The following EPHB2 variants were observed in gnomAD, a reference collection of about 807,000 sequenced individuals.
The protein encoded by EPHB2 is ephrin type-B receptor 2.
Under a neutral mutation model 96.4 loss-of-function variants are expected in EPHB2, and 18 were observed. That is an observed-to-expected ratio of 0.19 (90% confidence interval 0.13 to 0.28). EPHB2 has a LOEUF of 0.28. EPHB2 is among the 10% of genes least tolerant of loss of function. The probability of loss-of-function intolerance (pLI) is 1.00; values close to 1 mark genes in which losing one functional copy is unlikely to be tolerated. For synonymous variants in EPHB2, 506 were observed against 534.1 expected (o/e 0.95, Z 0.72); for missense variants, 989 against 1,355.4 (o/e 0.73, Z 4.25).
intron 1 of EPHB2, among the ~76,000 whole-genome samples, chr1:22,754,889 G>A (rs1354221593): frequency 3.9e-5 from 2 of 50,974 alleles, no homozygotes; most frequent in South Asian, 8.0e-4. Flanking sequence ...GAGGTGAGGC[G>A]AGGGGCAGAG....
At chr1:22,718,530 A>T (rs1643351969) in intron 1 of EPHB2, among the ~76,000 whole-genome samples, 1 of 151,542 alleles carries the variant, frequency 6.6e-6, no homozygotes, top group African/African-American at 2.4e-5. Context: ...GGGATTACAG[A>T]TGCCTGCCAC....
chr1:22,876,173 A>G (rs1180383722), intron 5 of EPHB2, among the ~76,000 whole-genome samples: 1 of 152,168 alleles, frequency 6.6e-6, no homozygotes, highest in African/African-American at 2.4e-5. Flanking sequence ...TGGGGTCTCC[A>G]GCTGTCCTGT....
At chr1:22,745,906 T>G (rs1218595585) in intron 1 of EPHB2, among the ~76,000 whole-genome samples, 1 of 152,146 alleles carries the variant, frequency 6.6e-6, no homozygotes, top group Non-Finnish European at 1.5e-5. Flanking sequence ...AGCTTATCTT[T>G]CAAAGCCTAT....
rs975968108 is a variant in EPHB2, at chr1:22,909,304, G to C, written c.2502+133G>C. 4.9e-6 allele frequency: 7 copies of C among 1,417,582 alleles called. No individual in the cohort carries two copies. The African/African-American group carries it at 9.9e-5, about 20-fold the overall frequency. The allele number at this position is 1,417,582 out of a possible 1,614,324, so 87.8% of individuals were successfully genotyped here. A position where few individuals can be genotyped will look rare whatever the true frequency, so the allele number is the denominator to read the frequency against. ...TCTGAGATCATGGGCCTGGCTCCCA[G>C]GGCAGCTGCCAGCCCAATGGTGGCT... On this transcript the variant is annotated intron_variant, in intron 13 of 15. Transcript: ENST00000374630.
intron 3 of EPHB2, among the ~76,000 whole-genome samples, chr1:22,862,030 A>C (rs1638275286): frequency 6.6e-6 from 1 of 152,250 alleles, no homozygotes. Flanking sequence ...GTATCATAGC[A>C]GAGCTGGGTT....
At chr1:22,817,496 A>T (rs367872549) in intron 3 of EPHB2, among the ~76,000 whole-genome samples, 2 of 152,208 alleles carry the variant, frequency 1.3e-5, no homozygotes, top group Admixed American at 6.5e-5. Flanking sequence ...GTGGCCACAC[A>T]TGCCCACAGG....
intron 3 of EPHB2, among the ~76,000 whole-genome samples, chr1:22,789,273 T>A (rs1167812599): frequency 6.6e-6 from 1 of 152,248 alleles, no homozygotes; most frequent in Non-Finnish European, 1.5e-5. Flanking sequence ...AAGATGCATT[T>A]AATATTGAGA....
chr1:22,723,597 C>T (rs915440208), intron 1 of EPHB2, among the ~76,000 whole-genome samples: 4 of 152,340 alleles, frequency 2.6e-5, no homozygotes, highest in South Asian at 2.1e-4. Flanking sequence ...GGCCTGAGGC[C>T]AGGAGAGGGA....
Position 22,863,038 on chromosome 1 carries a change from T to G in EPHB2, c.813T>G (p.Gly271=). The G allele has an allele frequency of 6.2e-7, 1 of 1,614,200 alleles. No homozygotes were observed. Among genetic ancestry groups the G allele is most frequent in the Non-Finnish European group, 8.5e-7 (1 of 1,180,032 alleles). Residue 271 remains glycine, a splice_region_variant and synonymous_variant, in exon 4 of 16, where the codon GGT becomes GGG. Transcript: ENST00000374630. ...EAVENGTVCR[G]CPSGTFKANQ... is the part of the protein sequence containing the mutation. ...GACTCTCCTTGTCTTCTCTCTCAGGTTGTCCATCTGGGACTTTCAAGGCCA... is the reference window on the plus strand; with the variant it reads ...GACTCTCCTTGTCTTCTCTCTCAGGGTGTCCATCTGGGACTTTCAAGGCCA...
At chr1:22,882,079 C>CT (rs1472634196) in intron 5 of EPHB2, among the ~76,000 whole-genome samples, 1 of 152,216 alleles carries the variant, frequency 6.6e-6, no homozygotes, top group Non-Finnish European at 1.5e-5. Context: ...TCTATCTCTA[C>CT]TGTCTCTCAA....
chr1:22,720,034 A>G (rs983964118), intron 1 of EPHB2, among the ~76,000 whole-genome samples: 1 of 152,116 alleles, frequency 6.6e-6, no homozygotes, highest in South Asian at 2.1e-4. Flanking sequence ...CTTCACATAC[A>G]TCTTTGAGGC....
chr1:22,906,695 G>A lies in EPHB2; in HGVS notation c.1889-15G>A. ...GGCAAGTGACATCCTGTCTGTCTTG[G>A]TGTTTCTCTCTCAGGGGAGTTTGGC... is the stretch of plus-strand genomic sequence containing the variant. On this transcript the variant is annotated splice_polypyrimidine_tract_variant and intron_variant, in intron 10 of 15. Transcript: ENST00000374630. The surrounding 1 kb of genome is among the most constrained non-coding windows in gnomAD (Gnocchi z 4.8). 6.2e-7 allele frequency: 1 copy of A among 1,614,084 alleles called. No individual in the cohort carries two copies. The highest frequency in any genetic ancestry group is 8.5e-7 in the Non-Finnish European group (1 of 1,180,024).
intron 6 of EPHB2, among the ~76,000 whole-genome samples, chr1:22,886,335 CA>C (rs1288057992): frequency 6.6e-6 from 1 of 152,150 alleles, no homozygotes; most frequent in Non-Finnish European, 1.5e-5. Context: ...GCGGGAGCAT[CA>C]GGGGAGGAGG....
In EPHB2 at chr1:22,784,439, G is replaced by A. The variant is rs763464643; in HGVS notation, c.174G>A (p.Thr58=). The A allele has an allele frequency of 7.4e-6, 12 of 1,614,082 alleles. No individual in the cohort carries two copies. In the East Asian group the frequency reaches 8.9e-5, roughly 12 times the overall value. Reference sequence around the variant, plus strand: ...ATGAGAACATGAACACGATCCGCACGTACCAGGTGTGCAACGTGTTTGAGT... The same window carrying A: ...ATGAGAACATGAACACGATCCGCACATACCAGGTGTGCAACGTGTTTGAGT... ...GYDENMNTIR[T]YQVCNVFESS... The change falls in exon 3 of 16, where the codon ACG becomes ACA. Residue 58 remains threonine (T), a synonymous_variant. Transcript: ENST00000374630. This position sits in a 1 kb window ranked among gnomAD's most constrained non-coding sequence, Gnocchi z 5.1.
chr1:22,839,674 T>A (rs1645437513), intron 3 of EPHB2, among the ~76,000 whole-genome samples: 1 of 152,186 alleles, frequency 6.6e-6, no homozygotes, highest in African/African-American at 2.4e-5. Context: ...CATGGGGTCC[T>A]GGATAGGGTC....
chr1:22,862,711 A>C (rs1638310113), intron 3 of EPHB2, among the ~76,000 whole-genome samples: 1 of 152,162 alleles, frequency 6.6e-6, no homozygotes, highest in South Asian at 2.1e-4. Context: ...ACCCATGCAC[A>C]CTGCCCCAGA....
At chr1:22,713,855 G>A (rs1270269870) in intron 1 of EPHB2, among the ~76,000 whole-genome samples, 1 of 152,186 alleles carries the variant, frequency 6.6e-6, no homozygotes, top group East Asian at 1.9e-4. Context: ...GGGTTTCTAG[G>A]TTAGGACGGT....
intron 1 of EPHB2, among the ~76,000 whole-genome samples, chr1:22,714,019 G>C (rs1643229570): frequency 6.6e-6 from 1 of 152,220 alleles, no homozygotes; most frequent in South Asian, 2.1e-4. Flanking sequence ...ATCCCTGGCC[G>C]ATGGAATCCA....
intron 3 of EPHB2, among the ~76,000 whole-genome samples, chr1:22,811,093 T>G (rs1265940120): frequency 1.3e-5 from 2 of 152,128 alleles, no homozygotes; most frequent in Non-Finnish European, 2.9e-5. Flanking sequence ...CTGAGCCTCT[T>G]TTTCTTCATT....
Sources: gnomAD v4.1 joint callset for allele counts (sites outside exome capture counted in the v4.1 genomes callset) on GRCh38, gnomAD v4.1.1 for gene constraint, Gnocchi (gnomAD v3.1) non-coding constraint, MANE v1.5 for transcripts, NCBI Gene and HGNC (gene_info 2026-07-23, HGNC 2026-07-21) for gene names.